U2SURP: variants seen among roughly 807,000 people sequenced by gnomAD.
U2SURP encodes the protein U2 snRNP-associated SURP motif-containing protein.
In U2SURP, 9 loss-of-function variants were observed where a neutral mutation model predicts 144.9. That is an observed-to-expected ratio of 0.06 (90% CI 0.04 to 0.11). The LOEUF is 0.11. Among genes scored for constraint, U2SURP ranks in the 10% least tolerant of loss-of-function variants. U2SURP has a pLI of 1.00. For missense variants in U2SURP, 724 were observed against 1,226.7 expected (o/e 0.59, Z 6.12); for synonymous variants, 408 against 396.8 (o/e 1.03, Z -0.33).
intron 24 of U2SURP, among the ~76,000 whole-genome samples, chr3:143,048,855 G>A (rs528702348): frequency 1.3e-5 from 2 of 152,206 alleles, no homozygotes; most frequent in African/African-American, 2.4e-5. Context: ...GGGTGACAGC[G>A]TGAGACACCG....
Position 143,012,201 on chromosome 3 carries a change from CTTG to C in U2SURP, c.91-18_91-16del. On this transcript the variant is annotated intron_variant, in intron 2 of 27. Coordinates refer to ENST00000473835, the MANE Select transcript of U2SURP (RefSeq NM_001080415.2). ...ATATATGTGTGGTTTGTTTTTTTCT[CTTG>C]TTTTACTTTTCCTGAAGATGGATGC... 1 of 1,601,280 alleles carries C rather than the reference CTTG, an allele frequency of 6.2e-7. No individual in the cohort carries two copies. The highest frequency in any genetic ancestry group is 8.5e-7 in the Non-Finnish European group (1 of 1,175,368).
chr3:143,053,589 C>T, intron 25 of U2SURP, 87 bp from the exon 26 acceptor site: 3 of 913,054 alleles, frequency 3.3e-6, no homozygotes, highest in East Asian at 5.8e-5. Context: ...AAAATTATTT[C>T]CTGTAAGAGA....
At chr3:143,049,948 T>G (rs190587584) in intron 24 of U2SURP, among the ~76,000 whole-genome samples, 312 of 152,336 alleles carry the variant, frequency 2.0e-3, no homozygotes, top group Non-Finnish European at 2.7e-3. Context: ...TGGAGGTGTA[T>G]TAGCCAGAAA....
intron 4 of U2SURP, 69 bp from the exon 5 acceptor site, chr3:143,016,188 A>C: frequency 7.2e-7 from 1 of 1,393,622 alleles, no homozygotes; most frequent in Non-Finnish European, 1.0e-6. Context: ...TTATTCCTTG[A>C]TGAATTTAGC....
Position 143,032,958 on chromosome 3 carries a change from A to G in U2SURP, c.1773+12A>G. On this transcript the variant is annotated intron_variant, in intron 17 of 27. Coordinates refer to ENST00000473835, the MANE Select transcript of U2SURP (RefSeq NM_001080415.2). ...CCCTTCCTAAAAAGGTATGGGAATG[A>G]ATTTTAAGAAAAGGGGAGATAGTTG... is the stretch of plus-strand genomic sequence containing the variant. The G allele has an allele frequency of 1.2e-6, 2 of 1,604,630 alleles. No individual in the cohort carries two copies.
At chr3:143,053,455 G>A (rs1281810180) in intron 25 of U2SURP, among the ~76,000 whole-genome samples, 1 of 152,168 alleles carries the variant, frequency 6.6e-6, no homozygotes, top group South Asian at 2.1e-4. Flanking sequence ...TAAGCACTCA[G>A]TAAATGTATA....
intron 1 of U2SURP, among the ~76,000 whole-genome samples, chr3:143,008,550 T>G (rs1308724103): frequency 6.6e-6 from 1 of 152,262 alleles, no homozygotes; most frequent in African/African-American, 2.4e-5. Context: ...TGACATTATC[T>G]TAATATTGAA....
At chr3:143,008,684 T>C (rs995064145) in intron 1 of U2SURP, among the ~76,000 whole-genome samples, 3 of 152,276 alleles carry the variant, frequency 2.0e-5, no homozygotes, top group African/African-American at 7.2e-5. Flanking sequence ...GATGTTTTTA[T>C]ATTTTTTGTT....
chr3:143,026,157 C>CA (rs1399686041), intron 13 of U2SURP: 1 of 152,056 alleles, frequency 6.6e-6, no homozygotes, highest in Non-Finnish European at 1.5e-5. Context: ...TTTTGCCCGA[C>CA]ACCATAATCA....
intron 23 of U2SURP, among the ~76,000 whole-genome samples, chr3:143,040,614 C>G (rs1163831003): frequency 1.3e-5 from 2 of 151,618 alleles, no homozygotes; most frequent in African/African-American, 4.8e-5. Flanking sequence ...GTATTGAATA[C>G]TGTATGGATT....
chr3:143,024,042 C>T, intron 13 of U2SURP, 24 bp downstream of exon 13: 3 of 1,597,522 alleles, frequency 1.9e-6, no homozygotes, highest in Non-Finnish European at 2.6e-6. Context: ...TTTATTATTA[C>T]TGATCTAAAT....
chr3:143,005,908 A>C (rs909524514), intron 1 of U2SURP, among the ~76,000 whole-genome samples: 2 of 152,162 alleles, frequency 1.3e-5, no homozygotes, highest in Admixed American at 1.3e-4. Flanking sequence ...TTAAAATCAA[A>C]AATAGTAATA....
At chr3:143,017,335 T>C (rs1015498253) in intron 6 of U2SURP, 29 of 161,092 alleles carry the variant, frequency 1.8e-4, no homozygotes, top group Admixed American at 1.5e-3. Context: ...GTATGTGTAG[T>C]GTATATTTCC....
chr3:143,052,399 A>AC (rs1464867024), intron 25 of U2SURP, among the ~76,000 whole-genome samples: 2 of 3,402 alleles, frequency 5.9e-4, no homozygotes, highest in East Asian at 0.017. Context: ...TCTGTCTAAA[A>AC]AAATAATAAT....
intron 14 of U2SURP, among the ~76,000 whole-genome samples, chr3:143,027,472 C>T (rs1039437142): frequency 4.2e-4 from 64 of 152,144 alleles, no homozygotes; most frequent in African/African-American, 1.5e-3. Context: ...CGGCAACTGC[C>T]ATTCTACTTT....
At chr3:143,007,459 T>TTTTTC (rs1047322924) in intron 1 of U2SURP, among the ~76,000 whole-genome samples, 5 of 150,078 alleles carry the variant, frequency 3.3e-5, no homozygotes, top group African/African-American at 9.9e-5. Context: ...TTTTTTTTTT[T>TTTTTC]TTTTGAGACA....
intron 23 of U2SURP, among the ~76,000 whole-genome samples, chr3:143,041,385 G>T (rs1281011588): frequency 1.3e-5 from 2 of 151,836 alleles, no homozygotes; most frequent in East Asian, 1.9e-4. Flanking sequence ...TTTCCAAGAA[G>T]AATATTTTTA....
rs752947462 is a variant in U2SURP at position 143,011,905 on chromosome 3, T to C, written c.91-317T>C. The C allele has an allele frequency of 1.3e-4, 62 of 488,900 alleles. No individual in the cohort carries two copies. The Middle Eastern group carries it at 4.6e-3, about 36-fold the overall frequency. 30.3% of individuals were successfully genotyped at this position (488,900 alleles called of 1,614,324 possible). On this transcript the variant is annotated intron_variant, in intron 2 of 27. Transcript: ENST00000473835. ...AACACCAGTTTTACTTGGGAGTGAC[T>C]GACAGGCAAACTATGGTGAATCAGA... is the stretch of plus-strand genomic sequence containing the variant.
intron 24 of U2SURP, among the ~76,000 whole-genome samples, chr3:143,050,516 A>G (rs1329378557): frequency 1.3e-5 from 2 of 152,224 alleles, no homozygotes; most frequent in African/African-American, 4.8e-5. Context: ...GTTTGGTCTT[A>G]CATGAGCTGA....
Sources: allele counts gnomAD v4.1 joint callset (sites outside exome capture counted in the v4.1 genomes callset), GRCh38; gene constraint gnomAD v4.1.1; transcripts MANE v1.5; gene names NCBI Gene and HGNC (gene_info 2026-07-23, HGNC 2026-07-21).